INIP: variants seen among roughly 807,000 people sequenced by gnomAD.
INIP encodes SOSS complex subunit C.
In INIP, 9 loss-of-function variants were observed where a neutral mutation model predicts 14.0. The ratio of observed to expected loss-of-function variants is 0.64; its 90% CI spans 0.39 to 1.12. INIP has a LOEUF of 1.12. Among genes scored for constraint, INIP ranks in the 50% most tolerant of loss-of-function variants. The pLI, the probability that INIP is intolerant of heterozygous loss-of-function variation, is 0.01. For synonymous variants in INIP, 37 were observed against 41.5 expected (o/e 0.89, Z 0.41); for missense variants, 78 against 122.7 (o/e 0.64, Z 1.72).
chr9:112,703,655 A>G (rs1689225416), intron 2 of INIP, among the ~76,000 whole-genome samples: 1 of 152,160 alleles, frequency 6.6e-6, no homozygotes, highest in African/African-American at 2.4e-5. Context: ...TGCTTCTGAC[A>G]AGATCCTGAA....
chr9:112,715,429 CTTTTAAATTTTTTTAACTTTTTGACTT>C (rs1838780642), intron 2 of INIP, among the ~76,000 whole-genome samples: 1 of 152,082 alleles, frequency 6.6e-6, no homozygotes, highest in South Asian at 2.1e-4. Flanking sequence ...ACTTTATAAA[CTTTTAAATTTTTTTAACTTTTTGACTT>C]TTGTAATAAC....
chr9:112,711,781 C>T (rs1158819118), intron 2 of INIP, among the ~76,000 whole-genome samples: 1 of 152,202 alleles, frequency 6.6e-6, no homozygotes, highest in African/African-American at 2.4e-5. Flanking sequence ...GCTGTCACCA[C>T]AACTTGCTTT....
intron 4 of INIP, among the ~76,000 whole-genome samples, chr9:112,688,371 T>C (rs1837757525): frequency 6.6e-6 from 1 of 151,104 alleles, no homozygotes; most frequent in Non-Finnish European, 1.5e-5. Flanking sequence ...AGAAGGGTAG[T>C]AGTTGGAAGG....
chr9:112,711,584 T>A (rs1838649140), intron 2 of INIP, among the ~76,000 whole-genome samples: 1 of 152,238 alleles, frequency 6.6e-6, no homozygotes, highest in African/African-American at 2.4e-5. Context: ...AAAATAGTCT[T>A]CTCTTAGTTT....
At chr9:112,705,779 T>C (rs1838443395) in intron 2 of INIP, among the ~76,000 whole-genome samples, 1 of 152,114 alleles carries the variant, frequency 6.6e-6, no homozygotes, top group African/African-American at 2.4e-5. Context: ...GGCAAATAAA[T>C]ACAAGTGACT....
intron 2 of INIP, among the ~76,000 whole-genome samples, chr9:112,699,377 G>A (rs369530330): frequency 2.0e-5 from 3 of 152,026 alleles, no homozygotes; most frequent in Non-Finnish European, 2.9e-5. Context: ...AATTTAAAAC[G>A]TATAGTAGTC....
At chr9:112,699,365 A>G (rs1462270916) in intron 2 of INIP, among the ~76,000 whole-genome samples, 1 of 152,192 alleles carries the variant, frequency 6.6e-6, no homozygotes, top group Non-Finnish European at 1.5e-5. Context: ...AGTAGTAATC[A>G]GAATTTAAAA....
intron 1 of INIP, 110 bp from the exon 2 acceptor site, chr9:112,716,651 G>T: frequency 1.8e-6 from 1 of 558,208 alleles, no homozygotes; most frequent in African/African-American, 2.0e-5. Flanking sequence ...AATCTCTTCA[G>T]AAAGATACAT....
At chr9:112,715,117 CACAT>C (rs1332316152) in intron 2 of INIP, among the ~76,000 whole-genome samples, 115 of 139,950 alleles carry the variant, frequency 8.2e-4, no homozygotes, top group African/African-American at 1.1e-3. Flanking sequence ...TTAAAATACA[CACAT>C]ACATACATAC....
chr9:112,709,815 T>C (rs781328249), intron 2 of INIP, among the ~76,000 whole-genome samples: 23 of 152,172 alleles, frequency 1.5e-4, no homozygotes, highest in Non-Finnish European at 3.1e-4. Context: ...CTCTCCTAAC[T>C]ACACAAACAG....
intron 2 of INIP, among the ~76,000 whole-genome samples, chr9:112,716,167 G>T (rs1267070112): frequency 6.6e-6 from 1 of 152,086 alleles, no homozygotes; most frequent in Non-Finnish European, 1.5e-5. Flanking sequence ...CCGCCTCCTG[G>T]GTTCAAGAAA....
chr9:112,703,278 G>A (rs1838355447), intron 2 of INIP, among the ~76,000 whole-genome samples: 1 of 152,158 alleles, frequency 6.6e-6, no homozygotes, highest in South Asian at 2.1e-4. Context: ...ATTTAGTAAT[G>A]TTAAACTGGA....
rs186015775 is a variant in INIP, at chr9:112,690,334, A to C, written c.129-717T>G. Among the ~76,000 whole-genome samples, 4 of 152,278 alleles carry C rather than the reference A, an allele frequency of 2.6e-5. No homozygotes were observed. The East Asian group carries it at 7.7e-4, about 29-fold the overall frequency. ...AGTGAGACCCCATCTCTACAAAAAC[A>C]AGATTAACCAGGTATGGTGGCATGT... is the stretch of plus-strand genomic sequence containing the variant. On this transcript the variant is annotated intron_variant, in intron 3 of 4. Transcript: ENST00000374242.
intron 2 of INIP, among the ~76,000 whole-genome samples, chr9:112,714,962 T>C (rs968178513): frequency 1.2e-4 from 18 of 152,194 alleles, no homozygotes; most frequent in African/African-American, 4.3e-4. Context: ...CTGAATAGTG[T>C]AGGCAACTGT....
rs112922534 is a variant in INIP, at chr9:112,713,015, G to A, written c.25+3446C>T. Among the ~76,000 whole-genome samples the A allele has an allele frequency of 8.1e-4, 124 of 152,260 alleles. 1 individual carries two copies. The highest frequency in any genetic ancestry group is 2.8e-3 in the African/African-American group (117 of 41,558). ...ATAAGAACACCACCATTAAGAACAC[G>A]AAAAGGCAAGCGAGACTGGGAGGAA... On this transcript the variant is annotated intron_variant, in intron 2 of 4. Transcript: ENST00000374242.
chr9:112,716,919 C>A (rs1472074776), intron 1 of INIP, among the ~76,000 whole-genome samples: 1 of 150,116 alleles, frequency 6.7e-6, no homozygotes, highest in Non-Finnish European at 1.5e-5. Context: ...CGCGCCACTG[C>A]ACTCCAGTTT....
At chr9:112,711,919 C>G (rs1002864949) in intron 2 of INIP, among the ~76,000 whole-genome samples, 3 of 152,188 alleles carry the variant, frequency 2.0e-5, no homozygotes, top group Non-Finnish European at 4.4e-5. Context: ...TGGTCTAATC[C>G]TGCCACAAAT....
intron 4 of INIP, among the ~76,000 whole-genome samples, chr9:112,688,856 T>TAAATA (rs988000092): frequency 1.3e-5 from 2 of 151,870 alleles, no homozygotes; most frequent in Non-Finnish European, 2.9e-5. Context: ...AAAAAATAGA[T>TAAATA]AAATAAAATA....
rs746742474 is a variant in INIP at position 112,687,536 on chromosome 9, C to T, written c.*2G>A. ...GTCACTTTTCCATCGCAAATGTTTT[C>T]TTCATTCTGGGTCAAGGCGAGGTAA... On this transcript the variant is annotated 3_prime_UTR_variant, in exon 5 of 5. Coordinates refer to ENST00000374242, the MANE Select transcript of INIP (RefSeq NM_021218.3). 1.3e-6 allele frequency: 2 copies of T among 1,585,056 alleles called. No individual in the cohort carries two copies. The highest frequency in any genetic ancestry group is 2.2e-5 in the South Asian group (2 of 90,058).
Sources: allele counts gnomAD v4.1 joint callset (sites outside exome capture counted in the v4.1 genomes callset), GRCh38; gene constraint gnomAD v4.1.1; transcripts MANE v1.5; gene names NCBI Gene and HGNC (gene_info 2026-07-23, HGNC 2026-07-21).